GRIA2: variants seen among roughly 807,000 people sequenced by gnomAD.
GRIA2 encodes the protein glutamate ionotropic receptor AMPA type subunit 2, also known as glutamate receptor 2.
GRIA2 carries 14 observed loss-of-function variants against 97.3 expected under a neutral mutation model. That is an observed-to-expected ratio of 0.14 (90% CI 0.10 to 0.23). The LOEUF (loss-of-function observed/expected upper bound fraction) is 0.23. Among genes scored for constraint, GRIA2 ranks in the 10% least tolerant of loss-of-function variants. The pLI, the probability that GRIA2 is intolerant of heterozygous loss-of-function variation, is 1.00. For missense variants in GRIA2, 558 were observed against 1,069.8 expected (o/e 0.52, Z 6.67); for synonymous variants, 412 against 387.8 (o/e 1.06, Z -0.73).
intron 2 of GRIA2, among the ~76,000 whole-genome samples, chr4:157,288,547 G>T (rs1732950989): frequency 6.6e-6 from 1 of 151,542 alleles, no homozygotes; most frequent in Admixed American, 6.6e-5. Flanking sequence ...TCCAATCCTG[G>T]ACTTTATTTA....
chr4:157,362,758 G>A (rs755792804), intron 14 of GRIA2, 41 bp from the exon 15 acceptor site: 2 of 1,565,008 alleles, frequency 1.3e-6, no homozygotes, highest in African/African-American at 1.4e-5. Context: ...CTATTCACCA[G>A]TTTGCCTTCC....
chr4:157,285,977 A>G (rs907407943), intron 2 of GRIA2, among the ~76,000 whole-genome samples: 2 of 151,494 alleles, frequency 1.3e-5, no homozygotes, highest in East Asian at 3.9e-4. Context: ...AAGGATTTAA[A>G]CCTATGTCCA....
intron 6 of GRIA2, among the ~76,000 whole-genome samples, chr4:157,328,382 C>T (rs1403783203): frequency 1.3e-5 from 2 of 152,022 alleles, no homozygotes; most frequent in African/African-American, 4.8e-5. Flanking sequence ...GTGCCTCTGT[C>T]TCTTAGAGAT....
intron 2 of GRIA2, among the ~76,000 whole-genome samples, chr4:157,233,064 G>A (rs1457367305): frequency 1.3e-5 from 2 of 152,154 alleles, no homozygotes; most frequent in Admixed American, 1.3e-4. Flanking sequence ...TTGTTTTGAT[G>A]AGCACTTGCT....
chr4:157,222,936 G>T (rs1729572102), intron 2 of GRIA2, among the ~76,000 whole-genome samples: 1 of 152,204 alleles, frequency 6.6e-6, no homozygotes, highest in African/African-American at 2.4e-5. Context: ...CCCAGCAGCT[G>T]CCATCATTTC....
chr4:157,323,725 A>G (rs1734688169), intron 6 of GRIA2, among the ~76,000 whole-genome samples: 1 of 152,216 alleles, frequency 6.6e-6, no homozygotes. Context: ...GTCTTGCATT[A>G]AAATGCAAGA....
Position 157,317,696 on chromosome 4 carries a change from C to A in GRIA2, c.705C>A (p.Tyr235Ter). The change falls in exon 5 of 16, where the codon TAC becomes TAA. Residue 235 changes from tyrosine to a stop codon, truncating the protein, a stop_gained. Transcript: ENST00000264426. LOFTEE classifies it high-confidence loss of function. ...GAAAACATGTTAAAGGGTACCACTA[C>A]ATCATTGCAAATCTGGTAGGTGAAT... is the stretch of plus-strand genomic sequence containing the variant. ...TIGKHVKGYH[Y>*]IIANLGFTDG... The A allele has an allele frequency of 1.6e-6, 2 of 1,230,818 alleles. No individual in the cohort carries two copies. Among genetic ancestry groups the A allele is most frequent in the Non-Finnish European group, 2.4e-6 (2 of 837,266 alleles). The allele number at this position is 1,230,818 out of a possible 1,614,324, so 76.2% of individuals were successfully genotyped here.
intron 2 of GRIA2, among the ~76,000 whole-genome samples, chr4:157,286,147 T>C (rs1732836627): frequency 1.3e-5 from 2 of 151,588 alleles, no homozygotes; most frequent in South Asian, 2.1e-4. Context: ...ATAGAATCTA[T>C]TATGTAGAAA....
chr4:157,273,761 A>G (rs1270126230), intron 2 of GRIA2, among the ~76,000 whole-genome samples: 1 of 152,068 alleles, frequency 6.6e-6, no homozygotes, highest in African/African-American at 2.4e-5. Context: ...TGTAACATAC[A>G]TACACATAAT....
chr4:157,333,183 C>T, intron 7 of GRIA2, 66 bp from the exon 8 acceptor site: 1 of 983,714 alleles, frequency 1.0e-6, no homozygotes, highest in Non-Finnish European at 1.5e-6. Flanking sequence ...TTAAAGTAAT[C>T]TGTACAGTGT....
intron 11 of GRIA2, among the ~76,000 whole-genome samples, chr4:157,338,911 T>G (rs1481838625): frequency 6.6e-6 from 1 of 151,982 alleles, no homozygotes; most frequent in Admixed American, 6.6e-5. Flanking sequence ...ATTATCATTT[T>G]TAAAAAGCAT....
intron 2 of GRIA2, among the ~76,000 whole-genome samples, chr4:157,237,060 C>T (rs988215917): frequency 2.6e-5 from 4 of 151,784 alleles, no homozygotes; most frequent in African/African-American, 9.7e-5. Flanking sequence ...AATTTTGTGC[C>T]TTGCTCAGAA....
chr4:157,249,742 A>G (rs1381996246), intron 2 of GRIA2: 1 of 152,158 alleles, frequency 6.6e-6, no homozygotes, highest in Non-Finnish European at 1.5e-5. Context: ...GTCTGAGCCC[A>G]TTGTAGACGC....
chr4:157,249,159 T>C (rs1363005074), intron 2 of GRIA2, among the ~76,000 whole-genome samples: 1 of 152,024 alleles, frequency 6.6e-6, no homozygotes, highest in Admixed American at 6.6e-5. Context: ...ATACCTCAAA[T>C]GTGCTAGACG....
rs749636389 is a variant in GRIA2 at position 157,341,260 on chromosome 4, T to C, written c.1845-4T>C. ...TTACAAATCCATTTCATACTTGTTATTAGATCCCTCTCTGGGCGCATTGTT... is the reference window on the plus strand; with the variant it reads ...TTACAAATCCATTTCATACTTGTTACTAGATCCCTCTCTGGGCGCATTGTT... On this transcript the variant is annotated splice_region_variant and splice_polypyrimidine_tract_variant and intron_variant, in intron 11 of 15. Coordinates refer to ENST00000264426, the MANE Select transcript of GRIA2 (RefSeq NM_001083619.3). The C allele has an allele frequency of 2.5e-6, 4 of 1,601,290 alleles. No individual in the cohort carries two copies. The highest frequency in any genetic ancestry group is 1.7e-5 in the Admixed American group (1 of 59,874).
At position 157,221,890 on chromosome 4, in the gene GRIA2, GT is replaced by G. The variant is rs1729513693; in HGVS notation, c.229+84del. ...AGTGTGTGTGTGCGTTTCTGGGGTGGTGTGTGTGCGTTTCTGTGTGTCAGTG... is the reference window on the plus strand; with the variant it reads ...AGTGTGTGTGTGCGTTTCTGGGGTGGGTGTGTGCGTTTCTGTGTGTCAGTG... On this transcript the variant is annotated intron_variant, in intron 2 of 15. Coordinates refer to ENST00000264426, the MANE Select transcript of GRIA2 (RefSeq NM_001083619.3). 7.9e-6 allele frequency: 10 copies of G among 1,272,978 alleles called. No homozygotes were observed. In the Admixed American group the frequency reaches 1.7e-4, roughly 22 times the overall value. 78.9% of individuals were successfully genotyped at this position (1,272,978 alleles called of 1,614,324 possible).
chr4:157,307,088 T>C (rs556441024), intron 3 of GRIA2, among the ~76,000 whole-genome samples: 210 of 152,274 alleles, frequency 1.4e-3, no homozygotes, highest in African/African-American at 4.9e-3. Context: ...AGAGTCTAGG[T>C]CAGGAATATA....
intron 2 of GRIA2, among the ~76,000 whole-genome samples, chr4:157,224,062 A>C (rs896981410): frequency 2.6e-5 from 4 of 152,178 alleles, no homozygotes; most frequent in Non-Finnish European, 5.9e-5. Flanking sequence ...TCATGTAATC[A>C]ACATGTGGAC....
intron 11 of GRIA2, 56 bp downstream of exon 11, chr4:157,336,803 TG>T: frequency 6.6e-7 from 1 of 1,522,890 alleles, no homozygotes; most frequent in Non-Finnish European, 8.9e-7. Flanking sequence ...TGGACATTCA[TG>T]GTGTTTATGG....
Sources: gnomAD v4.1 joint callset for allele counts (sites outside exome capture counted in the v4.1 genomes callset) on GRCh38, gnomAD v4.1.1 for gene constraint, MANE v1.5 for transcripts, NCBI Gene and HGNC (gene_info 2026-07-23, HGNC 2026-07-21) for gene names.